Variants in SH2D3A observed in about 807,000 individuals in gnomAD.
The protein encoded by SH2D3A is SH2 domain-containing protein 3A.
A neutral mutation model predicts 50.6 loss-of-function variants in SH2D3A; 46 were observed. That is an observed-to-expected ratio of 0.91 (90% CI 0.72 to 1.16). The LOEUF is 1.16. Among genes scored for constraint, SH2D3A ranks in the 50% most tolerant of loss-of-function variants. The pLI is 0.00. For missense variants in SH2D3A, 783 were observed against 786.2 expected, an observed-to-expected ratio of 1.00 and a Z score of 0.05; for synonymous variants, 377 against 348.4, an observed-to-expected ratio of 1.08 and a Z score of -0.91.
chr19:6,759,528 A>C, intron 4 of SH2D3A, 66 bp downstream of exon 4: 1 of 1,459,644 alleles, frequency 6.9e-7, no homozygotes. Context: ...CACCTGACCA[A>C]GATCTCTTAG....
At position 6,755,298 on chromosome 19, in the gene SH2D3A, T is replaced by C. The variant is rs373438102; in HGVS notation, c.514A>G (p.Ile172Val). 34 of 1,512,672 alleles carry C rather than the reference T, an allele frequency of 2.2e-5. No individual in the cohort carries two copies. Among genetic ancestry groups the C allele is most frequent in the Non-Finnish European group, 2.8e-5 (32 of 1,130,584 alleles). 93.7% of individuals were successfully genotyped at this position (1,512,672 alleles called of 1,614,324 possible). ...PAGMEASTMP[I>V]SALPRTSSDP... The stretch of plus-strand genomic sequence containing the variant: ...CTGCTCGTTCGGGGCAAGGCAGATA[T>C]GGGCATGGTGGAGGCTTCTAGAGGT... The change falls in exon 5 of 10, where the codon ATA becomes GTA. Residue 172 changes from isoleucine to valine, a missense_variant. Transcript: ENST00000245908.
chr19:6,754,414 A>G lies in SH2D3A; in HGVS notation c.1109T>C (p.Leu370Pro). The change falls in exon 7 of 10, where the codon CTG becomes CCG. Residue 370 changes from leucine to proline, a missense_variant. Coordinates refer to ENST00000245908, the MANE Select transcript of SH2D3A (RefSeq NM_005490.3). The part of the protein sequence containing the change: ...RLELLERHQT[L>P]ALAGALAVLG... ...CACCGCCAGCGCCCCGGCCAGCGCC[A>G]GTGTCTGATGCCTGCAGAGGTGGAG... 6.6e-7 allele frequency: 1 copy of G among 1,525,038 alleles called. No homozygotes were observed. Among genetic ancestry groups the G allele is most frequent in the Non-Finnish European group, 8.7e-7 (1 of 1,147,538 alleles). The allele number at this position is 1,525,038 out of a possible 1,614,324, so 94.5% of individuals were successfully genotyped here.
intron 1 of SH2D3A, chr19:6,764,570 T>A (rs1316243088): frequency 2.0e-5 from 3 of 152,154 alleles, no homozygotes; most frequent in Non-Finnish European, 4.4e-5. Flanking sequence ...CAGATGGAAA[T>A]CTCTGTCCTT....
chr19:6,753,047 C>G, intron 9 of SH2D3A: 3 of 985,294 alleles, frequency 3.0e-6, no homozygotes, highest in Non-Finnish European at 3.6e-6. Context: ...TGGGGCTGCC[C>G]CGAGGACGGG....
chr19:6,756,261 T>C (rs902092909), intron 4 of SH2D3A, among the ~76,000 whole-genome samples: 13 of 148,734 alleles, frequency 8.7e-5, no homozygotes, highest in Admixed American at 6.0e-4. Context: ...TTATATATGA[T>C]AGATATTTTA....
chr19:6,752,329 G>A lies in SH2D3A; in HGVS notation c.*264C>T, dbSNP rs980589912. 1.1e-5 allele frequency: 4 copies of A among 367,834 alleles called. No homozygotes were observed. Among genetic ancestry groups the A allele is most frequent in the Non-Finnish European group, 1.5e-5 (3 of 206,560 alleles). 22.8% of individuals were successfully genotyped at this position (367,834 alleles called of 1,614,324 possible). ...GCTGTATGGCTATGATTTTGTTAAA[G>A]GCCGACACAGAGGTGAAGTCAACTG... On this transcript the variant is annotated 3_prime_UTR_variant, in exon 10 of 10. Transcript: ENST00000245908.
intron 2 of SH2D3A, 64 bp from the exon 3 acceptor site, chr19:6,761,051 C>T: frequency 1.6e-6 from 2 of 1,278,982 alleles, no homozygotes; most frequent in African/African-American, 1.5e-5. Flanking sequence ...TTAATGGTAG[C>T]TCCCCCCACC....
chr19:6,761,588 T>C (rs1244361880), intron 2 of SH2D3A, among the ~76,000 whole-genome samples: 2 of 152,142 alleles, frequency 1.3e-5, no homozygotes, highest in Non-Finnish European at 2.9e-5. Context: ...GCTTCCAGAT[T>C]GGGGCCCCCT....
At chr19:6,761,052 T>TC in intron 2 of SH2D3A, 65 bp from the exon 3 acceptor site, 2 of 1,271,958 alleles carry the variant, frequency 1.6e-6, no homozygotes, top group Non-Finnish European at 2.1e-6. Context: ...TAATGGTAGC[T>TC]CCCCCCACCA....
intron 1 of SH2D3A, among the ~76,000 whole-genome samples, chr19:6,766,018 C>G (rs575223631): frequency 6.6e-6 from 1 of 152,286 alleles, no homozygotes; most frequent in African/African-American, 2.4e-5. Context: ...GCTTCTTACT[C>G]TCCTGCAAGC....
Position 6,754,063 on chromosome 19 carries a change from T to G in SH2D3A, c.1373A>C (p.Asp458Ala). 2 of 1,607,334 alleles carry G rather than the reference T, an allele frequency of 1.2e-6. No individual in the cohort carries two copies. Among genetic ancestry groups the G allele is most frequent in the South Asian group, 2.2e-5 (2 of 90,508 alleles). ...QELKPLMRAL[D>A]EGAGPCDPGE... is the part of the protein sequence containing the mutation. ...AGACCTTCACTTACCAGCGCCCTCA[T>G]CCAGAGCCCGCATCAGCGGCTTCAG... The change falls in exon 8 of 10, where the codon GAT becomes GCT. Residue 458 changes from aspartate to alanine, a missense_variant. Coordinates refer to ENST00000245908, the MANE Select transcript of SH2D3A (RefSeq NM_005490.3).
chr19:6,757,442 CA>C (rs1192322879), intron 4 of SH2D3A: 1 of 151,822 alleles, frequency 6.6e-6, no homozygotes. Flanking sequence ...TTCAACCTCC[CA>C]AGTGGCTAGG....
intron 9 of SH2D3A, 121 bp from the exon 10 acceptor site, chr19:6,752,874 G>A (rs1443995499): frequency 6.4e-6 from 9 of 1,409,914 alleles, no homozygotes; most frequent in Non-Finnish European, 7.4e-6. Context: ...GGAGGGACCT[G>A]CCCCACCTGC....
chr19:6,754,775 G>A lies in SH2D3A; in HGVS notation c.982-44C>T, dbSNP rs1362818308. 7 of 1,613,658 alleles carry A rather than the reference G, an allele frequency of 4.3e-6. No individual in the cohort carries two copies. In the African/African-American group the frequency reaches 6.7e-5, roughly 15 times the overall value. On this transcript the variant is annotated intron_variant, in intron 5 of 9. Transcript: ENST00000245908. ...AAGTCAGGTGAAGCGTGATTATGTA[G>A]GCATGGTTGGGTCTTGCCCTGGGCC... is the stretch of plus-strand genomic sequence containing the variant.
chr19:6,752,763 A>C lies in SH2D3A; in HGVS notation c.1571-10T>G. 6.6e-7 allele frequency: 1 copy of C among 1,521,540 alleles called. No homozygotes were observed. Among genetic ancestry groups the C allele is most frequent in the Non-Finnish European group, 8.9e-7 (1 of 1,127,650 alleles). 94.3% of individuals were successfully genotyped at this position (1,521,540 alleles called of 1,614,324 possible). ...GGGTTAGGCCGGAATCCTGGAAGCA[A>C]GGTCAGGTGGGCTGGGGGCGGGGCC... On this transcript the variant is annotated splice_polypyrimidine_tract_variant and intron_variant, in intron 9 of 9. Coordinates refer to ENST00000245908, the MANE Select transcript of SH2D3A (RefSeq NM_005490.3).
In SH2D3A at chr19:6,754,994, C is replaced by G. The variant is rs1194994817; in HGVS notation, c.818G>C (p.Arg273Thr). ...DEEEENRCFT[R>T]PQAEISFCPH... ...GCAGAAAGAGATCTCAGCCTGTGGT[C>G]TTGTAAAACATCTATTCTCTTCCTC... Residue 273 changes from arginine to threonine, a missense_variant, in exon 5 of 10, where the codon AGA becomes ACA. Arg to Thr is a moderately conservative substitution (Grantham distance 71, BLOSUM62 -1). Transcript: ENST00000245908. The G allele has an allele frequency of 6.2e-6, 10 of 1,613,982 alleles. No homozygotes were observed. Among genetic ancestry groups the G allele is most frequent in the Non-Finnish European group, 8.5e-6 (10 of 1,179,980 alleles).
intron 1 of SH2D3A, among the ~76,000 whole-genome samples, chr19:6,765,992 CAGA>C (rs1238301026): frequency 6.6e-6 from 1 of 152,106 alleles, no homozygotes; most frequent in Non-Finnish European, 1.5e-5. Flanking sequence ...CTGGATGGTC[CAGA>C]AGAAGATAAT....
chr19:6,755,117 C>A lies in SH2D3A; in HGVS notation c.695G>T (p.Cys232Phe), dbSNP rs1185791254. The change falls in exon 5 of 10, where the codon TGC (cysteine) becomes TTC (phenylalanine). Residue 232 changes from cysteine to phenylalanine, a missense_variant. By Grantham distance (205) the Cys-to-Phe change is radical. Transcript: ENST00000245908. The part of the protein sequence containing the change: ...PDASERPPTY[C>F]ELVPRVPSVQ... ...ACTGGGCACTCGGGGCACCAGCTCG[C>A]AGTACGTCGGGGGACGTTCAGAGGC... 1.9e-6 allele frequency: 3 copies of A among 1,613,994 alleles called. No individual in the cohort carries two copies. The highest frequency in any genetic ancestry group is 2.5e-6 in the Non-Finnish European group (3 of 1,179,948).
intron 1 of SH2D3A, among the ~76,000 whole-genome samples, chr19:6,765,662 C>T (rs977853127): frequency 2.0e-5 from 3 of 149,420 alleles, no homozygotes; most frequent in Non-Finnish European, 4.4e-5. Flanking sequence ...GAGAGAGAAT[C>T]GCTTGAATCC....
Sources: gnomAD v4.1 joint callset for allele counts (sites outside exome capture counted in the v4.1 genomes callset) on GRCh38, gnomAD v4.1.1 for gene constraint, MANE v1.5 for transcripts, NCBI Gene and HGNC (gene_info 2026-07-23, HGNC 2026-07-21) for gene names.